Variants in HEATR5B observed in about 807,000 individuals in gnomAD.
The protein encoded by HEATR5B is HEAT repeat-containing protein 5B.
Under a neutral mutation model 224.1 loss-of-function variants are expected in HEATR5B, and 156 were observed. The ratio of observed to expected loss-of-function variants is 0.70; its 90% confidence interval spans 0.61 to 0.80. The LOEUF is 0.80. Among genes scored for constraint, HEATR5B ranks in the 30% least tolerant of loss-of-function variants. The pLI, the probability that HEATR5B is intolerant of heterozygous loss-of-function variation, is 0.00. For synonymous variants in HEATR5B, 1,027 were observed against 893.0 expected (o/e 1.15, Z -2.68); for missense variants, 2,323 against 2,535.5 (o/e 0.92, Z 1.80).
intron 28 of HEATR5B, among the ~76,000 whole-genome samples, chr2:37,007,505 A>G (rs1426425961): frequency 6.6e-6 from 1 of 151,970 alleles, no homozygotes; most frequent in Non-Finnish European, 1.5e-5. Flanking sequence ...CGCAATGCCC[A>G]GCTAATTTTT....
intron 12 of HEATR5B, 29 bp downstream of exon 12, chr2:37,060,552 T>C: frequency 1.9e-6 from 3 of 1,558,052 alleles, no homozygotes; most frequent in Admixed American, 1.9e-5. Context: ...TGTCATAATA[T>C]TGTGAAGCAC....
At chr2:36,995,150 C>T (rs1165793789) in intron 33 of HEATR5B, among the ~76,000 whole-genome samples, 1 of 135,140 alleles carries the variant, frequency 7.4e-6, no homozygotes, top group African/African-American at 2.9e-5. Context: ...GATGCAGTGG[C>T]TTGATCTCAG....
chr2:37,007,263 G>A lies in HEATR5B; in HGVS notation c.4564C>T (p.Leu1522Phe). The change falls in exon 29 of 36, where the codon CTT becomes TTT. Residue 1522 changes from leucine (L) to phenylalanine (F), a missense_variant. Physicochemically the swap from Leu to Phe is conservative, Grantham distance 22 (BLOSUM62 0). Around this residue, in one of 12 missense-constraint regions of HEATR5B, gnomAD observed 844 missense variants for 812.9 expected, o/e 1.04. Coordinates refer to ENST00000233099, the MANE Select transcript of HEATR5B (RefSeq NM_019024.3). ...YTPETIDTAR[L>F]HYRNSWAPIL... ...GGGGCCCAGGAATTCCGATAGTGAA[G>A]TCTAGCTGTATCAATAGTTTCAGGG... 1 of 1,611,468 alleles carries A rather than the reference G, an allele frequency of 6.2e-7. No homozygotes were observed. The highest frequency in any genetic ancestry group is 8.5e-7 in the Non-Finnish European group (1 of 1,178,726).
chr2:37,024,010 CT>C (rs1280901546), intron 24 of HEATR5B, among the ~76,000 whole-genome samples: 2 of 152,102 alleles, frequency 1.3e-5, no homozygotes, highest in Non-Finnish European at 2.9e-5. Context: ...ATGAACCAAC[CT>C]GTGTCTATCA....
At chr2:37,000,082 T>A (rs1000710438) in intron 33 of HEATR5B, among the ~76,000 whole-genome samples, 1 of 151,858 alleles carries the variant, frequency 6.6e-6, no homozygotes, top group African/African-American at 2.4e-5. Context: ...ATATATATTT[T>A]TTTTGAGACA....
chr2:37,048,188 G>GTT (rs1392336835), intron 18 of HEATR5B, among the ~76,000 whole-genome samples: 14 of 139,178 alleles, frequency 1.0e-4, no homozygotes, highest in South Asian at 2.3e-4. Context: ...AGGACACATT[G>GTT]TTTTTTTTTT....
chr2:37,013,145 A>G (rs1478348942), intron 27 of HEATR5B, among the ~76,000 whole-genome samples: 1 of 152,174 alleles, frequency 6.6e-6, no homozygotes, highest in Non-Finnish European at 1.5e-5. Flanking sequence ...TATAACTCCA[A>G]TAGTCTTCCC....
intron 35 of HEATR5B, among the ~76,000 whole-genome samples, chr2:36,987,071 G>A (rs1189841189): frequency 1.3e-5 from 2 of 151,850 alleles, no homozygotes; most frequent in Non-Finnish European, 2.9e-5. Context: ...GTCTTAAAAT[G>A]TGCATTCCCT....
intron 30 of HEATR5B, among the ~76,000 whole-genome samples, chr2:37,003,977 G>A (rs942540272): frequency 1.3e-5 from 2 of 152,154 alleles, no homozygotes; most frequent in African/African-American, 4.8e-5. Context: ...AAATAGTATT[G>A]TAGAGTCCAG....
At chr2:37,069,810 G>GA (rs1211788182) in intron 7 of HEATR5B, among the ~76,000 whole-genome samples, 2 of 151,628 alleles carry the variant, frequency 1.3e-5, no homozygotes, top group Non-Finnish European at 2.9e-5. Context: ...GAAACATTTC[G>GA]AAAGAAACCA....
chr2:37,005,767 G>A lies in HEATR5B; in HGVS notation c.4778-8C>T, dbSNP rs769030389. On this transcript the variant is annotated splice_polypyrimidine_tract_variant and splice_region_variant and intron_variant, in intron 29 of 35. Coordinates refer to ENST00000233099, the MANE Select transcript of HEATR5B (RefSeq NM_019024.3). ...GAAACTGTATACTCACACCTGAAAT[G>A]CACAAAATAAAAACATGTTTTTTCA... is the stretch of plus-strand genomic sequence containing the variant. 4.5e-6 allele frequency: 7 copies of A among 1,558,290 alleles called. No homozygotes were observed. The African/African-American group carries it at 7.0e-5, about 16-fold the overall frequency.
In HEATR5B at chr2:37,068,724, G is replaced by A. The variant is rs75759149; in HGVS notation, c.1134C>T (p.Ala378=). 0.023 allele frequency: 37,644 copies of A among 1,613,712 alleles called. 545 individuals carry two copies. The highest frequency in any genetic ancestry group is 0.028 in the Non-Finnish European group (33,077 of 1,179,876). ...TTCCAATAGCTTGGCAGATTTCTTT[G>A]GCAGCTGCAATCTGGGCTTTTTCAC... ...LLGEKAQIAA[A]KEICQAIGKQ... Residue 378 remains alanine (A), a synonymous_variant, in exon 8 of 36, where the codon GCC becomes GCT. Coordinates refer to ENST00000233099, the MANE Select transcript of HEATR5B (RefSeq NM_019024.3).
chr2:37,020,238 T>C (rs1041348572), intron 25 of HEATR5B, among the ~76,000 whole-genome samples: 2 of 152,190 alleles, frequency 1.3e-5, no homozygotes, highest in South Asian at 4.1e-4. Flanking sequence ...TATTAAGAGT[T>C]AATTTATCCT....
chr2:37,049,591 A>T, intron 18 of HEATR5B, 62 bp downstream of exon 18: 1 of 1,390,462 alleles, frequency 7.2e-7, no homozygotes, highest in South Asian at 1.2e-5. Context: ...ACTCCAGTTG[A>T]TTATTATTTA....
intron 5 of HEATR5B, among the ~76,000 whole-genome samples, chr2:37,072,487 T>C (rs1671965536): frequency 6.6e-6 from 1 of 152,220 alleles, no homozygotes; most frequent in Admixed American, 6.5e-5. Context: ...TGTCCCAGCC[T>C]ACTGCCTTGA....
At chr2:37,068,230 C>T (rs1671702950) in intron 8 of HEATR5B, among the ~76,000 whole-genome samples, 1 of 152,094 alleles carries the variant, frequency 6.6e-6, no homozygotes, top group Non-Finnish European at 1.5e-5. Flanking sequence ...TTATGTATAA[C>T]TGAGGTTTCA....
chr2:37,057,993 C>G (rs1349027668), intron 14 of HEATR5B, among the ~76,000 whole-genome samples: 1 of 152,142 alleles, frequency 6.6e-6, no homozygotes, highest in African/African-American at 2.4e-5. Context: ...GTTTATTTTA[C>G]TATTAATATT....
At chr2:36,991,829 C>T (rs1375977152) in intron 33 of HEATR5B, among the ~76,000 whole-genome samples, 1 of 152,100 alleles carries the variant, frequency 6.6e-6, no homozygotes, top group Non-Finnish European at 1.5e-5. Flanking sequence ...GACATGCTAA[C>T]ATTATCTCAT....
chr2:37,065,584 T>C (rs2706806), intron 9 of HEATR5B, among the ~76,000 whole-genome samples, 171 bp downstream of exon 9: 10,604 of 152,182 alleles, frequency 0.07, 1,223 homozygotes, highest in African/African-American at 0.24. Context: ...GCTAGGATTA[T>C]AGGCACGAGC....
Sources: allele counts gnomAD v4.1 joint callset (sites outside exome capture counted in the v4.1 genomes callset), GRCh38; gene constraint gnomAD v4.1.1; regional missense constraint gnomAD v4.1.1; transcripts MANE v1.5; gene names NCBI Gene and HGNC (gene_info 2026-07-23, HGNC 2026-07-21).